Variants in SLC9A9 observed in about 807,000 individuals in gnomAD.
SLC9A9 encodes sodium/hydrogen exchanger 9.
Under a neutral mutation model 77.8 loss-of-function variants are expected in SLC9A9, and 62 were observed. The ratio of observed to expected loss-of-function variants is 0.80; its 90% CI spans 0.65 to 0.98. The LOEUF is 0.98. SLC9A9 is among the 50% of genes least tolerant of loss of function. The pLI, the probability that SLC9A9 is intolerant of heterozygous loss-of-function variation, is 0.00. For missense variants in SLC9A9, 775 were observed against 774.9 expected (o/e 1.00, Z 0.00); for synonymous variants, 320 against 283.5 (o/e 1.13, Z -1.29).
chr3:143,555,164 C>G (rs757806794), intron 8 of SLC9A9, among the ~76,000 whole-genome samples: 1 of 152,110 alleles, frequency 6.6e-6, no homozygotes, highest in Non-Finnish European at 1.5e-5. Context: ...GTGAATAAGT[C>G]TCATGAGATC....
intron 12 of SLC9A9, among the ~76,000 whole-genome samples, chr3:143,464,959 C>T (rs895661587): frequency 2.6e-5 from 4 of 152,168 alleles, no homozygotes; most frequent in Non-Finnish European, 5.9e-5. Flanking sequence ...TGGGTTTCTG[C>T]CCTGATGTCA....
chr3:143,345,642 G>C lies in SLC9A9; in HGVS notation c.1604+17842C>G, dbSNP rs183874443. On this transcript the variant is annotated intron_variant, in intron 14 of 15. Coordinates refer to ENST00000316549, the MANE Select transcript of SLC9A9 (RefSeq NM_173653.4). ...TAAAGCAGGATAGTTGGGTAGTATG[G>C]GTCTATCTGAAGTTGTTGATCAATA... 1.1e-3 allele frequency among the ~76,000 whole-genome samples: 164 copies of C among 152,226 alleles called. 1 individual carries two copies. Among genetic ancestry groups the C allele is most frequent in the Non-Finnish European group, 4.4e-5 (3 of 68,016 alleles).
chr3:143,494,622 A>G (rs1390315235), intron 10 of SLC9A9, among the ~76,000 whole-genome samples: 1 of 152,242 alleles, frequency 6.6e-6, no homozygotes, highest in Non-Finnish European at 1.5e-5. Context: ...CCAAGTGGGA[A>G]GAAGGACAAC....
At chr3:143,769,873 G>A (rs929798008) in intron 4 of SLC9A9, among the ~76,000 whole-genome samples, 1 of 152,102 alleles carries the variant, frequency 6.6e-6, no homozygotes, top group Admixed American at 6.5e-5. Context: ...ATAGGCCAAG[G>A]GTTGTGTGGA....
intron 4 of SLC9A9, among the ~76,000 whole-genome samples, chr3:143,701,464 T>C (rs1453051721): frequency 6.6e-6 from 1 of 151,802 alleles, no homozygotes; most frequent in Non-Finnish European, 1.5e-5. Flanking sequence ...GAGATTGAAA[T>C]AATTAAAAAG....
chr3:143,452,503 TAAAAAAA>T (rs58038873), intron 12 of SLC9A9, among the ~76,000 whole-genome samples: 4 of 108,884 alleles, frequency 3.7e-5, no homozygotes, highest in Non-Finnish European at 7.7e-5. Context: ...TTAAAAAGAC[TAAAAAAA>T]AAAAAAAAAA....
At chr3:143,331,724 T>TATTC (rs777990718) in intron 14 of SLC9A9, among the ~76,000 whole-genome samples, 2 of 152,230 alleles carry the variant, frequency 1.3e-5, no homozygotes, top group Non-Finnish European at 2.9e-5. Flanking sequence ...TCCATTCATT[T>TATTC]ATTCATTCAT....
At chr3:143,652,166 G>GC (rs2038807581) in intron 6 of SLC9A9, 89 bp downstream of exon 6, 1 of 1,052,226 alleles carries the variant, frequency 9.5e-7, no homozygotes, top group Non-Finnish European at 1.4e-6. Context: ...GCTAGAGACT[G>GC]CCCGTATCTC....
intron 2 of SLC9A9, among the ~76,000 whole-genome samples, chr3:143,802,962 C>G (rs1258265056): frequency 6.6e-6 from 1 of 152,154 alleles, no homozygotes. Context: ...GCAGGCTAGA[C>G]AGGAAATTCG....
In SLC9A9 at chr3:143,722,472, C is replaced by CAAAA. The variant is rs60995925; in HGVS notation, c.534-29169_534-29166dup. On this transcript the variant is annotated intron_variant, in intron 4 of 15. Coordinates refer to ENST00000316549, the MANE Select transcript of SLC9A9 (RefSeq NM_173653.4). The stretch of plus-strand genomic sequence containing the variant: ...TGGGCGACAGAGCGAGACTCCATCT[C>CAAAA]AAAAAAAAAAAAAAAAAAAAAAAGT... Among the ~76,000 whole-genome samples, 555 of 58,136 alleles carry CAAAA rather than the reference C, an allele frequency of 9.5e-3. 58 individuals carry two copies. Among genetic ancestry groups the CAAAA allele is most frequent in the African/African-American group, 0.03 (418 of 13,842 alleles). 38.1% of individuals were successfully genotyped at this position (58,136 alleles called of 152,430 possible).
At chr3:143,466,393 A>T (rs887259300) in intron 12 of SLC9A9, among the ~76,000 whole-genome samples, 1 of 152,230 alleles carries the variant, frequency 6.6e-6, no homozygotes, top group Non-Finnish European at 1.5e-5. Context: ...TTCACAATTG[A>T]CACCAGCTAC....
chr3:143,542,393 T>A (rs1218224556), intron 9 of SLC9A9, among the ~76,000 whole-genome samples: 1 of 152,218 alleles, frequency 6.6e-6, no homozygotes, highest in Admixed American at 6.5e-5. Flanking sequence ...TATGAAGATA[T>A]CTTTGATCTT....
At chr3:143,597,929 G>A (rs757059212) in intron 6 of SLC9A9, among the ~76,000 whole-genome samples, 9 of 152,020 alleles carry the variant, frequency 5.9e-5, no homozygotes, top group African/African-American at 2.2e-4. Flanking sequence ...TGGCATATTC[G>A]GCACTGTGGG....
At chr3:143,840,112 G>A (rs571590616) in intron 1 of SLC9A9, among the ~76,000 whole-genome samples, 13 of 152,252 alleles carry the variant, frequency 8.5e-5, no homozygotes, top group African/African-American at 2.2e-4. Flanking sequence ...ACAGTTTACC[G>A]GGCCGCACCC....
intron 8 of SLC9A9, among the ~76,000 whole-genome samples, chr3:143,566,046 C>T (rs2037162079): frequency 6.6e-6 from 1 of 152,038 alleles, no homozygotes; most frequent in Admixed American, 6.6e-5. Flanking sequence ...AATTTTTGCC[C>T]AAGTGAGAAA....
chr3:143,282,642 A>G (rs1314086813), intron 14 of SLC9A9, among the ~76,000 whole-genome samples: 1 of 152,206 alleles, frequency 6.6e-6, no homozygotes, highest in Non-Finnish European at 1.5e-5. Context: ...CTGGAATTGT[A>G]ATGGTAATGG....
At chr3:143,734,200 G>A (rs560570057) in intron 4 of SLC9A9, among the ~76,000 whole-genome samples, 8 of 148,252 alleles carry the variant, frequency 5.4e-5, no homozygotes, top group Middle Eastern at 3.4e-3. Context: ...TGTCTGTAAA[G>A]AAAATAATAA....
intron 1 of SLC9A9, among the ~76,000 whole-genome samples, chr3:143,842,608 C>T (rs1392199600): frequency 2.0e-5 from 3 of 152,152 alleles, no homozygotes; most frequent in Non-Finnish European, 4.4e-5. Context: ...CCTGCAGATC[C>T]CTTAAAATTA....
chr3:143,443,291 TC>T (rs1408594267), intron 12 of SLC9A9, among the ~76,000 whole-genome samples: 1 of 152,242 alleles, frequency 6.6e-6, no homozygotes, highest in Non-Finnish European at 1.5e-5. Context: ...ACAAAGGCTC[TC>T]CCCTCCTTGC....
Sources: gnomAD v4.1 joint callset for allele counts (sites outside exome capture counted in the v4.1 genomes callset) on GRCh38, gnomAD v4.1.1 for gene constraint, MANE v1.5 for transcripts, NCBI Gene and HGNC (gene_info 2026-07-23, HGNC 2026-07-21) for gene names.